GRIA1: variants seen among roughly 807,000 people sequenced by gnomAD.
GRIA1 encodes glutamate ionotropic receptor AMPA type subunit 1.
A neutral mutation model predicts 99.2 loss-of-function variants in GRIA1; 31 were observed. That is an observed-to-expected ratio of 0.31 (90% CI 0.23 to 0.42). GRIA1 has a LOEUF of 0.42. GRIA1 is among the 10% of genes least tolerant of loss of function. The probability of loss-of-function intolerance (pLI) is 1.00; values close to 1 mark genes in which losing one functional copy is unlikely to be tolerated. For synonymous variants in GRIA1, 438 were observed against 432.4 expected (o/e 1.01, Z -0.16); for missense variants, 782 against 1,157.5 (o/e 0.68, Z 4.71).
intron 15 of GRIA1, among the ~76,000 whole-genome samples, chr5:153,808,018 C>T (rs1354809848): frequency 6.6e-6 from 1 of 152,230 alleles, no homozygotes; most frequent in African/African-American, 2.4e-5. Flanking sequence ...GGGGAGCATC[C>T]TCCACAGCAG....
At chr5:153,779,549 G>C (rs1215047872) in intron 13 of GRIA1, among the ~76,000 whole-genome samples, 1 of 152,052 alleles carries the variant, frequency 6.6e-6, no homozygotes, top group African/African-American at 2.4e-5. Context: ...TCTGGTTAGA[G>C]CCCATTTTTT....
At chr5:153,763,555 T>C (rs946026230) in intron 11 of GRIA1, among the ~76,000 whole-genome samples, 1 of 152,220 alleles carries the variant, frequency 6.6e-6, no homozygotes, top group African/African-American at 2.4e-5. Context: ...GGATTCATTA[T>C]GATATGATGC....
At chr5:153,540,586 C>A (rs2113484997) in intron 2 of GRIA1, among the ~76,000 whole-genome samples, 1 of 152,236 alleles carries the variant, frequency 6.6e-6, no homozygotes, top group African/African-American at 2.4e-5. Flanking sequence ...TTGAGACAAC[C>A]ACTCTGGGCC....
chr5:153,504,395 T>C (rs1170121958), intron 2 of GRIA1, among the ~76,000 whole-genome samples: 2 of 151,834 alleles, frequency 1.3e-5, no homozygotes, highest in Admixed American at 6.6e-5. Context: ...GTATTTATTG[T>C]CTATTTTATG....
intron 11 of GRIA1, among the ~76,000 whole-genome samples, chr5:153,709,840 GA>G (rs1334439262): frequency 6.6e-6 from 1 of 152,234 alleles, no homozygotes; most frequent in Non-Finnish European, 1.5e-5. Context: ...CTAGTGGCAA[GA>G]GAGGCTGAGA....
At chr5:153,509,595 A>T (rs1437151944) in intron 2 of GRIA1, among the ~76,000 whole-genome samples, 2 of 152,240 alleles carry the variant, frequency 1.3e-5, no homozygotes, top group East Asian at 3.8e-4. Context: ...GAATAGGCTC[A>T]ATAAATATTT....
intron 2 of GRIA1, among the ~76,000 whole-genome samples, chr5:153,524,302 G>A (rs1238744874): frequency 6.6e-6 from 1 of 152,160 alleles, no homozygotes; most frequent in Non-Finnish European, 1.5e-5. Flanking sequence ...ACTCCAGCCT[G>A]GAAACAGAGT....
At chr5:153,732,376 C>T (rs1051703429) in intron 11 of GRIA1, among the ~76,000 whole-genome samples, 12 of 152,106 alleles carry the variant, frequency 7.9e-5, no homozygotes, top group African/African-American at 2.7e-4. Flanking sequence ...TTCACATCCT[C>T]ACCAACATTT....
At chr5:153,767,397 A>T (rs1763587098) in intron 12 of GRIA1, among the ~76,000 whole-genome samples, 1 of 152,224 alleles carries the variant, frequency 6.6e-6, no homozygotes, top group African/African-American at 2.4e-5. Context: ...GAAAGGCACA[A>T]TGTGTGCAAT....
chr5:153,605,186 C>CA (rs776137388), intron 2 of GRIA1, among the ~76,000 whole-genome samples: 4,608 of 99,338 alleles, frequency 0.046, 212 homozygotes, highest in African/African-American at 0.14. Context: ...GACTCTGTCT[C>CA]AAAAAAAAAA....
At chr5:153,793,058 G>A (rs552648025) in intron 13 of GRIA1, among the ~76,000 whole-genome samples, 1 of 152,224 alleles carries the variant, frequency 6.6e-6, no homozygotes, top group Admixed American at 6.5e-5. Context: ...AAAGGTAACG[G>A]TTATAGTAAT....
At chr5:153,782,151 G>A (rs538695780) in intron 13 of GRIA1, among the ~76,000 whole-genome samples, 7 of 152,270 alleles carry the variant, frequency 4.6e-5, no homozygotes, top group Non-Finnish European at 8.8e-5. Flanking sequence ...CCTAATTTAT[G>A]TAATCCTCAC....
intron 15 of GRIA1, 60 bp downstream of exon 15, chr5:153,802,550 G>A (rs753555650): frequency 1.6e-4 from 243 of 1,565,824 alleles, no homozygotes; most frequent in Non-Finnish European, 2.1e-4. Flanking sequence ...TGGGTTTCCT[G>A]GGAGTCCCTT....
intron 2 of GRIA1, among the ~76,000 whole-genome samples, chr5:153,503,913 T>G (rs1211989536): frequency 6.6e-6 from 1 of 152,226 alleles, no homozygotes; most frequent in East Asian, 1.9e-4. Flanking sequence ...ATTTTTATGC[T>G]TAGCTTTTCT....
At chr5:153,568,865 C>G (rs2149360521) in intron 2 of GRIA1, among the ~76,000 whole-genome samples, 1 of 152,284 alleles carries the variant, frequency 6.6e-6, no homozygotes, top group East Asian at 1.9e-4. Flanking sequence ...TATATCAAAA[C>G]TCCAAACACG....
At chr5:153,736,930 A>G (rs1450702810) in intron 11 of GRIA1, among the ~76,000 whole-genome samples, 4 of 152,226 alleles carry the variant, frequency 2.6e-5, no homozygotes, top group Admixed American at 6.5e-5. Flanking sequence ...TCAAACTAAG[A>G]TAGATCCTGC....
chr5:153,491,133 G>A, intron 1 of GRIA1, 163 bp downstream of exon 1: 1 of 982,240 alleles, frequency 1.0e-6, no homozygotes, highest in Non-Finnish European at 1.5e-6. Context: ...GCCAGAGGAG[G>A]GGGCTTCTCC....
intron 2 of GRIA1, among the ~76,000 whole-genome samples, chr5:153,522,184 C>T (rs981672534): frequency 6.6e-6 from 1 of 152,214 alleles, no homozygotes; most frequent in Non-Finnish European, 1.5e-5. Context: ...TAATCTTTGG[C>T]AAGTGCCATA....
chr5:153,674,509 G>A lies in GRIA1; in HGVS notation c.709G>A (p.Asp237Asn). The part of the protein sequence containing the change: ...HYILANLGFM[D>N]IDLNKFKESG... ...CCTCCCCCTCTCACAGGGCTTCATG[G>A]ACATTGACTTAAACAAATTCAAGGA... The change falls in exon 6 of 16, where the codon GAC becomes AAC. Residue 237 changes from aspartate to asparagine, a missense_variant. Transcript: ENST00000285900. The A allele has an allele frequency of 6.2e-7, 1 of 1,614,066 alleles. No homozygotes were observed. Among genetic ancestry groups the A allele is most frequent in the Non-Finnish European group, 8.5e-7 (1 of 1,179,968 alleles).
Sources: gnomAD v4.1 joint callset for allele counts (sites outside exome capture counted in the v4.1 genomes callset) on GRCh38, gnomAD v4.1.1 for gene constraint, MANE v1.5 for transcripts, NCBI Gene and HGNC (gene_info 2026-07-23, HGNC 2026-07-21) for gene names.